Variants in MBD3 observed in about 807,000 individuals in gnomAD.
MBD3 encodes methyl-CpG binding domain protein 3.
In MBD3, 13 loss-of-function variants were observed where a neutral mutation model predicts 31.2. The ratio of observed to expected loss-of-function variants is 0.42; its 90% confidence interval spans 0.27 to 0.66. The LOEUF is 0.66. Among genes scored for constraint, MBD3 ranks in the 30% least tolerant of loss-of-function variants. MBD3 has a pLI of 0.26. For synonymous variants in MBD3, 223 were observed against 187.4 expected, an observed-to-expected ratio of 1.19 and a Z score of -1.55; for missense variants, 440 against 426.5, an observed-to-expected ratio of 1.03 and a Z score of -0.28.
At chr19:1,591,716 G>A (rs1032493106) in intron 1 of MBD3, among the ~76,000 whole-genome samples, 10 of 151,988 alleles carry the variant, frequency 6.6e-5, no homozygotes, top group African/African-American at 2.4e-4. Flanking sequence ...AAAAAAAGAG[G>A]ACAAACAGCA....
intron 1 of MBD3, among the ~76,000 whole-genome samples, chr19:1,591,225 G>A (rs1257231955): frequency 6.6e-6 from 1 of 152,200 alleles, no homozygotes; most frequent in African/African-American, 2.4e-5. Flanking sequence ...CTCAGGACGT[G>A]TACAGGGTTC....
chr19:1,592,413 A>C lies in MBD3; in HGVS notation c.110+109T>G, dbSNP rs1385188246. On this transcript the variant is annotated intron_variant, in intron 1 of 6. Coordinates refer to ENST00000434436, the MANE Select transcript of MBD3 (RefSeq NM_001281453.2). Reference sequence around the variant, plus strand: ...CGCAAGACGCACGCACGCACGCACGACGCACGCGCGGGGCCCAGGCCGCGG... The same window carrying C: ...CGCAAGACGCACGCACGCACGCACGCCGCACGCGCGGGGCCCAGGCCGCGG... 1.4e-5 allele frequency: 4 copies of C among 285,960 alleles called. No individual in the cohort carries two copies. In the South Asian group the frequency reaches 3.9e-4, roughly 28 times the overall value. The allele number at this position is 285,960 out of a possible 1,614,324, so 17.7% of individuals were successfully genotyped here.
Position 1,585,437 on chromosome 19 carries a change from A to C in MBD3, c.111-223T>G. 1 of 550,686 alleles carries C rather than the reference A, an allele frequency of 1.8e-6. No individual in the cohort carries two copies. Among genetic ancestry groups the C allele is most frequent in the South Asian group, 2.0e-5 (1 of 49,844 alleles). The allele number at this position is 550,686 out of a possible 1,614,324, so 34.1% of individuals were successfully genotyped here. ...TTCATCCCAGACCCCAGCACCCCAC[A>C]ACTGGCCCCTAGATCTGGGCGCCAG... On this transcript the variant is annotated intron_variant, in intron 1 of 6. Coordinates refer to ENST00000434436, the MANE Select transcript of MBD3 (RefSeq NM_001281453.2). This position sits in a 1 kb window ranked among gnomAD's most constrained non-coding sequence, Gnocchi z 4.1.
chr19:1,585,129 T>C lies in MBD3; in HGVS notation c.196A>G (p.Thr66Ala). 6.2e-7 allele frequency: 1 copy of C among 1,612,250 alleles called. No individual in the cohort carries two copies. The highest frequency in any genetic ancestry group is 8.5e-7 in the Non-Finnish European group (1 of 1,179,506). ...SMDLSTFDFRTGKMLMSKMNK... is the reference protein window; with the variant it reads ...SMDLSTFDFRAGKMLMSKMNK... ...ATCTTGCTCATCAGCATCTTGCCCG[T>C]GCGGAAGTCGAAGGTGCTCAGGTCC... Residue 66 changes from threonine (T) to alanine (A), a missense_variant, in exon 2 of 7, where the codon ACG becomes GCG. Thr to Ala is a moderately conservative substitution (Grantham distance 58, BLOSUM62 0). Transcript: ENST00000434436. This position sits in a 1 kb window ranked among gnomAD's most constrained non-coding sequence, Gnocchi z 4.1.
At chr19:1,582,837 C>T (rs2060659628) in intron 3 of MBD3, 125 bp from the exon 4 acceptor site, 1 of 774,014 alleles carries the variant, frequency 1.3e-6, no homozygotes, top group Non-Finnish European at 2.2e-6. Context: ...GGGGCATCTC[C>T]CCTCCCACTG....
At chr19:1,581,704 C>A in intron 4 of MBD3, 1 of 296,930 alleles carries the variant, frequency 3.4e-6, no homozygotes, top group Non-Finnish European at 6.5e-6. Context: ...GTAACGGCGC[C>A]ACTGTACTTC....
In MBD3 at chr19:1,581,232, C is replaced by G. The variant is rs374667549; in HGVS notation, c.537G>C (p.Ser179=). Residue 179 remains serine, a synonymous_variant, in exon 5 of 7, where the codon TCG becomes TCC. Coordinates refer to ENST00000434436, the MANE Select transcript of MBD3 (RefSeq NM_001281453.2). ...GPGCTDETLL[S]AIASALHTST... ...TAGTGTGCAGGGCGCTGGCGATGGC[C>G]GACAGCAGCGTCTCATCCGTGCAGC... The G allele has an allele frequency of 1.2e-6, 2 of 1,612,080 alleles. No homozygotes were observed. The highest frequency in any genetic ancestry group is 1.7e-4 in the Middle Eastern group (1 of 6,054).
chr19:1,584,647 C>T lies in MBD3; in HGVS notation c.301G>A (p.Val101Met), dbSNP rs147057571. The T allele has an allele frequency of 3.1e-6, 5 of 1,613,336 alleles. No homozygotes were observed. The highest frequency in any genetic ancestry group is 2.2e-5 in the East Asian group (1 of 44,872). Residue 101 changes from valine (V) to methionine (M), a missense_variant, in exon 3 of 7, where the codon GTG (valine) becomes ATG (methionine). Transcript: ENST00000434436. Reference sequence around the variant, plus strand: ...TTGAAGATGGACGCCGTCTGGCGCACGGGCAGCGCCGTGTTCAGGTCGGGC... The same window carrying T: ...TTGAAGATGGACGCCGTCTGGCGCATGGGCAGCGCCGTGTTCAGGTCGGGC... ...GKPDLNTALP[V>M]RQTASIFKQP... is the part of the protein sequence containing the mutation.
rs1195796674 is a variant in MBD3, at chr19:1,585,207, C to T, written c.118G>A (p.Gly40Arg). Residue 40 changes from glycine to arginine, a missense_variant, in exon 2 of 7, where the codon GGG becomes AGG. By Grantham distance (125) the Gly-to-Arg change is moderately radical. This residue lies in a region of MBD3 where 179 missense variants were observed against 134.7 expected (regional missense o/e 1.33). Transcript: ENST00000434436. The surrounding 1 kb of genome is among the most constrained non-coding windows in gnomAD (Gnocchi z 4.1). ...TGCGGCTTGCTGCGGAACTTCTTCC[C>T]GCTCGGGCTGCGGGGAGGCGGGACG... ...HRDVFYYSPS[G>R]KKFRSKPQLA... is the part of the protein sequence containing the mutation. 1.3e-5 allele frequency: 20 copies of T among 1,595,400 alleles called. No individual in the cohort carries two copies. Among genetic ancestry groups the T allele is most frequent in the Admixed American group, 1.7e-5 (1 of 58,862 alleles).
chr19:1,585,325 G>GCCCCAGA lies in MBD3; in HGVS notation c.111-118_111-112dup, dbSNP rs1156231525. The GCCCCAGA allele has an allele frequency of 7.9e-7, 1 of 1,258,636 alleles. No individual in the cohort carries two copies. The highest frequency in any genetic ancestry group is 1.5e-5 in the African/African-American group (1 of 66,702). 78.0% of individuals were successfully genotyped at this position (1,258,636 alleles called of 1,614,324 possible). A position where few individuals can be genotyped will look rare whatever the true frequency, so the allele number is the denominator to read the frequency against. ...GCCCCAGCTTCAGGTCGCGACCCCA[G>GCCCCAGA]CCCCAGACCCCAACACGGCCCTGAC... On this transcript the variant is annotated intron_variant, in intron 1 of 6. Coordinates refer to ENST00000434436, the MANE Select transcript of MBD3 (RefSeq NM_001281453.2). This position sits in a 1 kb window ranked among gnomAD's most constrained non-coding sequence, Gnocchi z 4.1.
In MBD3 at chr19:1,585,016, G is replaced by A. The variant is rs376818214; in HGVS notation, c.270+39C>T. 3.1e-6 allele frequency: 5 copies of A among 1,604,842 alleles called. No homozygotes were observed. Among genetic ancestry groups the A allele is most frequent in the Non-Finnish European group, 4.2e-6 (5 of 1,178,700 alleles). On this transcript the variant is annotated intron_variant, in intron 2 of 6. Coordinates refer to ENST00000434436, the MANE Select transcript of MBD3 (RefSeq NM_001281453.2). The surrounding 1 kb of genome is among the most constrained non-coding windows in gnomAD (Gnocchi z 4.1). The stretch of plus-strand genomic sequence containing the variant: ...TCATGGCCGCGTCCCCGCCTAGAAC[G>A]CCCCGCGCCGACGTCACCTGCGTGA...
rs1240271887 is a variant in MBD3 at position 1,592,554 on chromosome 19, C to A, written c.78G>T (p.Leu26=). The A allele has an allele frequency of 4.9e-6, 7 of 1,441,548 alleles. No individual in the cohort carries two copies. The highest frequency in any genetic ancestry group is 6.5e-6 in the Non-Finnish European group (7 of 1,074,894). The allele number at this position is 1,441,548 out of a possible 1,614,324, so 89.3% of individuals were successfully genotyped here. A position where few individuals can be genotyped will look rare whatever the true frequency, so the allele number is the denominator to read the frequency against. Residue 26 remains leucine, a synonymous_variant, in exon 1 of 7, where the codon CTG becomes CTT. Coordinates refer to ENST00000434436, the MANE Select transcript of MBD3 (RefSeq NM_001281453.2). ...AAAAGACATCCCTGTGGCCGGCCGA[C>A]AGCCCCGACCTTCTGGGCACTTCTT... ...EREEVPRRSG[L]SAGHRDVFYY...
In MBD3 at chr19:1,592,799, T is replaced by G; in HGVS notation, c.-168A>C. 6.9e-6 allele frequency: 1 copy of G among 144,606 alleles called. No homozygotes were observed. Among genetic ancestry groups the G allele is most frequent in the Non-Finnish European group, 1.5e-5 (1 of 66,386 alleles). The allele number at this position is 144,606 out of a possible 1,614,324, so 9.0% of individuals were successfully genotyped here. A position where few individuals can be genotyped will look rare whatever the true frequency, so the allele number is the denominator to read the frequency against. ...GCCCCCAGCCGGGCGCGCGCCGGCT[T>G]TGCCGCCCTTTCGGCCCCCTCCCCG... On this transcript the variant is annotated 5_prime_UTR_variant, in exon 1 of 7. Transcript: ENST00000434436.
rs953713478 is a variant in MBD3 at position 1,584,883 on chromosome 19, ATGCGCCTTGCGCTCTGCACCCTGTGGCC to A, written c.270+144_270+171del. 8.2e-5 allele frequency: 91 copies of A among 1,103,610 alleles called. 2 individuals are homozygous for A. The highest frequency in any genetic ancestry group is 9.8e-5 in the Admixed American group (4 of 40,826). The allele number at this position is 1,103,610 out of a possible 1,614,324, so 68.4% of individuals were successfully genotyped here. A position where few individuals can be genotyped will look rare whatever the true frequency, so the allele number is the denominator to read the frequency against. ...GCCCGCCGCGGGCCGCGTCCTCGCCATGCGCCTTGCGCTCTGCACCCTGTGGCCTGCGCCTTCCGCTCTGTGCCCTCCG... is the reference window on the plus strand; with the variant it reads ...GCCCGCCGCGGGCCGCGTCCTCGCCATGCGCCTTCCGCTCTGTGCCCTCCG... On this transcript the variant is annotated intron_variant, in intron 2 of 6. Transcript: ENST00000434436.
chr19:1,579,633 C>G (rs1917302630), intron 5 of MBD3, among the ~76,000 whole-genome samples: 1 of 152,166 alleles, frequency 6.6e-6, no homozygotes, highest in African/African-American at 2.4e-5. Context: ...GCTGCTCCCT[C>G]TCACTCTGTC....
At position 1,575,476 on chromosome 19, in the gene MBD3, T is replaced by A. The variant is rs968268401; in HGVS notation, c.*2688A>T. 1.0e-5 allele frequency: 3 copies of A among 300,050 alleles called. No homozygotes were observed. In the Admixed American group the frequency reaches 1.3e-4, roughly 13 times the overall value. 18.6% of individuals were successfully genotyped at this position (300,050 alleles called of 1,614,324 possible). On this transcript the variant is annotated 3_prime_UTR_variant, in exon 7 of 7. Transcript: ENST00000434436. ...ATGGGCGGGGCTGGGGGCAGCCAAG[T>A]GGCCTTTGAGGATGGGGCCAGGCAC...
chr19:1,579,283 G>A (rs921102495), intron 5 of MBD3, among the ~76,000 whole-genome samples: 8 of 140,328 alleles, frequency 5.7e-5, no homozygotes, highest in South Asian at 4.8e-4. Flanking sequence ...TCACCTTTCC[G>A]CTGCCCACTA....
intron 5 of MBD3, among the ~76,000 whole-genome samples, chr19:1,580,527 C>T (rs1917327637): frequency 6.6e-6 from 1 of 152,258 alleles, no homozygotes; most frequent in Admixed American, 6.5e-5. Context: ...CGTCTTCGCT[C>T]CAGCACTTCC....
At chr19:1,580,934 T>C (rs942700004) in intron 5 of MBD3, among the ~76,000 whole-genome samples, 158 bp downstream of exon 5, 38 of 152,230 alleles carry the variant, frequency 2.5e-4, no homozygotes, top group Admixed American at 8.5e-4. Context: ...CGGTTCATAC[T>C]GCTCCGACGA....
Sources: gnomAD v4.1 joint callset for allele counts (sites outside exome capture counted in the v4.1 genomes callset) on GRCh38, gnomAD v4.1.1 for gene constraint, gnomAD v4.1.1 regional missense constraint, Gnocchi (gnomAD v3.1) non-coding constraint, MANE v1.5 for transcripts, NCBI Gene and HGNC (gene_info 2026-07-23, HGNC 2026-07-21) for gene names.